TMEM178B: variants seen among roughly 807,000 people sequenced by gnomAD.
TMEM178B encodes transmembrane protein 178B.
TMEM178B carries 5 observed loss-of-function variants against 31.0 expected under a neutral mutation model. The ratio of observed to expected loss-of-function variants is 0.16; its 90% CI spans 0.08 to 0.34. The LOEUF is 0.34. Ranked by LOEUF, TMEM178B falls within the 10% of genes least tolerant of loss-of-function variation. The pLI, the probability that TMEM178B is intolerant of heterozygous loss-of-function variation, is 1.00. For synonymous variants in TMEM178B, 164 were observed against 164.0 expected, an observed-to-expected ratio of 1.00 and a Z score of 0.00; for missense variants, 275 against 400.3, an observed-to-expected ratio of 0.69 and a Z score of 2.67.
In TMEM178B at chr7:141,269,184, G is replaced by A. The variant is rs564043854; in HGVS notation, c.496+56480G>A. Among the ~76,000 whole-genome samples, 114 of 150,290 alleles carry A rather than the reference G, an allele frequency of 7.6e-4. 1 individual carries two copies. The South Asian group carries it at 0.017, about 23-fold the overall frequency. Reference sequence around the variant, plus strand: ...TGGCTCACAGTAACCTACACCTCCCGGGTTCAAGCAATTCTCATGTCTCAG... The same window carrying A: ...TGGCTCACAGTAACCTACACCTCCCAGGTTCAAGCAATTCTCATGTCTCAG... On this transcript the variant is annotated intron_variant, in intron 2 of 3. Transcript: ENST00000565468.
At chr7:141,436,738 A>G (rs1586959599) in intron 2 of TMEM178B, among the ~76,000 whole-genome samples, 1 of 152,220 alleles carries the variant, frequency 6.6e-6, no homozygotes, top group Non-Finnish European at 1.5e-5. Flanking sequence ...GAGGAAGCCA[A>G]GCCAGATGCT....
chr7:141,381,890 T>A (rs1416306174), intron 2 of TMEM178B, among the ~76,000 whole-genome samples: 1 of 152,182 alleles, frequency 6.6e-6, no homozygotes, highest in Non-Finnish European at 1.5e-5. Context: ...GCCTCAGAGA[T>A]CCATTTGTTC....
chr7:141,144,686 T>C (rs1795824014), intron 1 of TMEM178B, among the ~76,000 whole-genome samples: 1 of 152,078 alleles, frequency 6.6e-6, no homozygotes, highest in East Asian at 1.9e-4. Context: ...AATAGTCCTT[T>C]ATTTAAGGAT....
chr7:141,309,179 T>A (rs527613931), intron 2 of TMEM178B, among the ~76,000 whole-genome samples: 1 of 152,342 alleles, frequency 6.6e-6, no homozygotes, highest in African/African-American at 2.4e-5. Flanking sequence ...AAAAATCACC[T>A]GTATCTCCAC....
chr7:141,226,895 C>T (rs1164144167), intron 2 of TMEM178B, among the ~76,000 whole-genome samples: 1 of 149,012 alleles, frequency 6.7e-6, no homozygotes, highest in African/African-American at 2.5e-5. Flanking sequence ...AAAGTAATTA[C>T]TAGTTCCGTT....
At chr7:141,145,163 G>A (rs1371529307) in intron 1 of TMEM178B, among the ~76,000 whole-genome samples, 6 of 152,162 alleles carry the variant, frequency 3.9e-5, no homozygotes, top group African/African-American at 1.4e-4. Context: ...AGGCCTGGTG[G>A]ACCCTCGGTT....
chr7:141,082,307 C>T (rs1393898319), intron 1 of TMEM178B, among the ~76,000 whole-genome samples: 3 of 152,182 alleles, frequency 2.0e-5, no homozygotes, highest in African/African-American at 7.2e-5. Flanking sequence ...GAGGGACCTC[C>T]ACAGGCTCTT....
At chr7:141,202,013 C>T (rs1036858533) in intron 1 of TMEM178B, among the ~76,000 whole-genome samples, 1 of 152,132 alleles carries the variant, frequency 6.6e-6, no homozygotes, top group Non-Finnish European at 1.5e-5. Flanking sequence ...ACCTCTGCCA[C>T]CTAATAGCTA....
At chr7:141,288,499 T>C (rs1250181044) in intron 2 of TMEM178B, among the ~76,000 whole-genome samples, 1 of 151,984 alleles carries the variant, frequency 6.6e-6, no homozygotes, top group East Asian at 1.9e-4. Context: ...AAAAAAAGAT[T>C]TAAAATAAGA....
intron 1 of TMEM178B, among the ~76,000 whole-genome samples, chr7:141,165,804 T>C (rs1796251244): frequency 6.6e-6 from 1 of 152,230 alleles, no homozygotes; most frequent in Non-Finnish European, 1.5e-5. Flanking sequence ...TTGGGAAAAT[T>C]ACTTAACTTC....
intron 3 of TMEM178B, among the ~76,000 whole-genome samples, chr7:141,463,214 G>A (rs921465754): frequency 1.7e-4 from 26 of 152,134 alleles, no homozygotes; most frequent in African/African-American, 6.0e-4. Context: ...AACCAGCTGC[G>A]ACTGGCTGGC....
At chr7:141,182,558 G>A (rs1380580715) in intron 1 of TMEM178B, among the ~76,000 whole-genome samples, 1 of 152,180 alleles carries the variant, frequency 6.6e-6, no homozygotes, top group Non-Finnish European at 1.5e-5. Context: ...AGAGAAGTGG[G>A]TCACCTGGCC....
intron 2 of TMEM178B, 123 bp from the exon 3 acceptor site, chr7:141,437,485 G>A: frequency 2.3e-6 from 3 of 1,280,822 alleles, no homozygotes; most frequent in South Asian, 1.5e-5. Flanking sequence ...ATCTGAGAAG[G>A]GCAGGTTGCC....
At position 141,179,224 on chromosome 7, in the gene TMEM178B, CAGCCT is replaced by C. The variant is rs1311526875; in HGVS notation, c.383-33364_383-33360del. 3.7e-4 allele frequency among the ~76,000 whole-genome samples: 56 copies of C among 152,306 alleles called. 1 individual carries two copies. Among genetic ancestry groups the C allele is most frequent in the African/African-American group, 1.3e-3 (52 of 41,560 alleles). On this transcript the variant is annotated intron_variant, in intron 1 of 3. Coordinates refer to ENST00000565468, the MANE Select transcript of TMEM178B (RefSeq NM_001195278.2). ...AAATTTGGAGGAAAATGCCCTCCTC[CAGCCT>C]AGTTTAGTTTTCTGGATAAAGGGCT...
rs1412912270 is a variant in TMEM178B at position 141,284,932 on chromosome 7, C to CT, written c.496+72229dup. 3.3e-5 allele frequency among the ~76,000 whole-genome samples: 5 copies of CT among 152,026 alleles called. No individual in the cohort carries two copies. The East Asian group carries it at 9.7e-4, about 30-fold the overall frequency. ...TTGAGAATAGTTCAGAGACCAGAGT[C>CT]TAAGACCAATCAAGAAGAATGGATC... On this transcript the variant is annotated intron_variant, in intron 2 of 3. Coordinates refer to ENST00000565468, the MANE Select transcript of TMEM178B (RefSeq NM_001195278.2).
chr7:141,394,374 C>T (rs1449257470), intron 2 of TMEM178B, among the ~76,000 whole-genome samples: 5 of 152,192 alleles, frequency 3.3e-5, no homozygotes, highest in African/African-American at 4.8e-5. Flanking sequence ...CCTAATATCA[C>T]GAAGACCCTC....
At chr7:141,112,407 C>G (rs547629374) in intron 1 of TMEM178B, among the ~76,000 whole-genome samples, 16 of 152,128 alleles carry the variant, frequency 1.1e-4, no homozygotes, top group Non-Finnish European at 2.4e-4. Context: ...TGTTAGCCAC[C>G]ACAGCCTGGC....
chr7:141,095,180 A>G (rs571021615), intron 1 of TMEM178B, among the ~76,000 whole-genome samples: 2 of 152,296 alleles, frequency 1.3e-5, no homozygotes, highest in South Asian at 4.1e-4. Flanking sequence ...CAAAATTCTA[A>G]GAAAAGCTGT....
At chr7:141,096,802 A>T (rs1274779722) in intron 1 of TMEM178B, among the ~76,000 whole-genome samples, 1 of 152,180 alleles carries the variant, frequency 6.6e-6, no homozygotes, top group East Asian at 1.9e-4. Context: ...GTCAGACAGA[A>T]GTTCCAGAGA....
Sources: gnomAD v4.1 joint callset for allele counts (sites outside exome capture counted in the v4.1 genomes callset) on GRCh38, gnomAD v4.1.1 for gene constraint, MANE v1.5 for transcripts, NCBI Gene and HGNC (gene_info 2026-07-23, HGNC 2026-07-21) for gene names.